JADE2: variants seen among roughly 807,000 people sequenced by gnomAD.
JADE2 encodes jade family PHD finger 2.
JADE2 carries 13 observed loss-of-function variants against 85.7 expected under a neutral mutation model. The observed-to-expected ratio is 0.15, with a 90% CI of 0.10 to 0.24. The LOEUF is 0.24. JADE2 is among the 10% of genes least tolerant of loss of function. The pLI, the probability that JADE2 is intolerant of heterozygous loss-of-function variation, is 1.00. For synonymous variants in JADE2, 440 were observed against 456.1 expected (o/e 0.96, Z 0.45); for missense variants, 846 against 1,115.9 (o/e 0.76, Z 3.45).
intron 3 of JADE2, among the ~76,000 whole-genome samples, chr5:134,538,957 A>G (rs1361207021): frequency 6.7e-6 from 1 of 149,712 alleles, no homozygotes; most frequent in African/African-American, 2.5e-5. Flanking sequence ...CCTGGGTTCA[A>G]ATGCCTCTCC....
chr5:134,570,259 A>G (rs564328670), intron 9 of JADE2, among the ~76,000 whole-genome samples: 135 of 151,988 alleles, frequency 8.9e-4, no homozygotes, highest in Non-Finnish European at 1.8e-3. Flanking sequence ...CTCTGTCCTC[A>G]TACCAGGGCC....
chr5:134,551,586 C>T (rs1473067231), intron 3 of JADE2, among the ~76,000 whole-genome samples: 1 of 151,150 alleles, frequency 6.6e-6, no homozygotes, highest in Non-Finnish European at 1.5e-5. Context: ...CCTGTGTTGC[C>T]CAGGCTGTCT....
At chr5:134,546,672 G>A (rs763762375) in intron 3 of JADE2, among the ~76,000 whole-genome samples, 3 of 151,964 alleles carry the variant, frequency 2.0e-5, no homozygotes, top group Non-Finnish European at 2.9e-5. Context: ...GGAGGCTGAG[G>A]CAGGAGAATC....
At chr5:134,539,067 A>ATTTATTTATTTT (rs1761792808) in intron 3 of JADE2, among the ~76,000 whole-genome samples, 1 of 142,698 alleles carries the variant, frequency 7.0e-6, no homozygotes, top group Non-Finnish European at 1.5e-5. Context: ...TTATTTATTT[A>ATTTATTTATTTT]TTTATTTATT....
chr5:134,567,611 G>A (rs565732566), intron 9 of JADE2, among the ~76,000 whole-genome samples: 2 of 152,166 alleles, frequency 1.3e-5, no homozygotes, highest in Admixed American at 6.5e-5. Flanking sequence ...TGCAGGGAAC[G>A]TTGTGTGACC....
Position 134,566,635 on chromosome 5 carries a change from C to T in JADE2, c.1434+55C>T, listed in dbSNP as rs931045537. ...TGCCTGGTGGGTCCAGGAGTCCTTT[C>T]CATGCCACACTCACTGCCCTGGAGC... is the stretch of plus-strand genomic sequence containing the variant. On this transcript the variant is annotated intron_variant, in intron 9 of 11. Transcript: ENST00000681547. The surrounding 1 kb of genome is among the most constrained non-coding windows in gnomAD (Gnocchi z 6.7). 2 of 1,275,534 alleles carry T rather than the reference C, an allele frequency of 1.6e-6. No individual in the cohort carries two copies. The highest frequency in any genetic ancestry group is 3.0e-5 in the African/African-American group (2 of 67,264). 79.0% of individuals were successfully genotyped at this position (1,275,534 alleles called of 1,614,324 possible). A position where few individuals can be genotyped will look rare whatever the true frequency, so the allele number is the denominator to read the frequency against.
At position 134,564,570 on chromosome 5, in the gene JADE2, C is replaced by T. The variant is rs967788128; in HGVS notation, c.929C>T (p.Ser310Phe). The T allele has an allele frequency of 6.4e-6, 10 of 1,566,088 alleles. No individual in the cohort carries two copies. In the African/African-American group the frequency reaches 8.1e-5, roughly 13 times the overall value. Residue 310 changes from serine (S) to phenylalanine (F), a missense_variant, in exon 8 of 12, where the codon TCC (serine) becomes TTC (phenylalanine). Ser to Phe is a radical substitution (Grantham distance 155). This residue lies in a region of JADE2 where 129 missense variants were observed against 255.4 expected (regional missense o/e 0.51). Transcript: ENST00000681547. Reference sequence around the variant, plus strand: ...ATCCCAGCCAGCCGCTGGGCTCTGTCCTGCAGCCTCTGCAAGGAATGCACA... The same window carrying T: ...ATCCCAGCCAGCCGCTGGGCTCTGTTCTGCAGCCTCTGCAAGGAATGCACA... ...SHIPASRWAL[S>F]CSLCKECTGT...
chr5:134,530,884 C>T (rs1761188817), intron 1 of JADE2, among the ~76,000 whole-genome samples: 1 of 152,156 alleles, frequency 6.6e-6, no homozygotes, highest in South Asian at 2.1e-4. Context: ...ACTGTGTGGT[C>T]CCGACACTTC....
intron 4 of JADE2, 89 bp downstream of exon 4, chr5:134,552,298 A>G (rs1265753327): frequency 8.4e-7 from 1 of 1,196,750 alleles, no homozygotes; most frequent in Non-Finnish European, 1.2e-6. Context: ...CCAGTCCTGG[A>G]ATTCCTTTCT....
intron 9 of JADE2, among the ~76,000 whole-genome samples, chr5:134,568,131 G>T (rs547783368): frequency 1.3e-5 from 2 of 152,308 alleles, no homozygotes; most frequent in East Asian, 3.9e-4. Flanking sequence ...CCATGTGTCT[G>T]TCCCTGGCTG....
chr5:134,565,113 T>A (rs964266872), intron 8 of JADE2, among the ~76,000 whole-genome samples: 6 of 152,172 alleles, frequency 3.9e-5, no homozygotes, highest in Non-Finnish European at 8.8e-5. Flanking sequence ...AGGCTCTGAC[T>A]CAGTAGGTCT....
At position 134,580,956 on chromosome 5, in the gene JADE2, A is replaced by C; in HGVS notation, c.*1639A>C. On this transcript the variant is annotated 3_prime_UTR_variant, in exon 12 of 12. Transcript: ENST00000681547. Reference sequence around the variant, plus strand: ...GGGGAAAGATACTGACGGTGAAACCAGCATGGAAAACGTCTTTACCATGTG... The same window carrying C: ...GGGGAAAGATACTGACGGTGAAACCCGCATGGAAAACGTCTTTACCATGTG... The C allele has an allele frequency of 6.6e-6, 1 of 152,632 alleles. No homozygotes were observed. Among genetic ancestry groups the C allele is most frequent in the East Asian group, 1.9e-4 (1 of 5,186 alleles). The allele number at this position is 152,632 out of a possible 1,614,324, so 9.5% of individuals were successfully genotyped here. A position where few individuals can be genotyped will look rare whatever the true frequency, so the allele number is the denominator to read the frequency against.
chr5:134,579,353 C>A lies in JADE2; in HGVS notation c.*36C>A. On this transcript the variant is annotated 3_prime_UTR_variant, in exon 12 of 12. Coordinates refer to ENST00000681547, the MANE Select transcript of JADE2 (RefSeq NM_001388185.1). This position sits in a 1 kb window ranked among gnomAD's most constrained non-coding sequence, Gnocchi z 4.6. ...TCCCTGTCCCAGGCCCTGCCCTGGTCCCCCCACAAGGCCTCAGCCCAGTCA... is the reference window on the plus strand; with the variant it reads ...TCCCTGTCCCAGGCCCTGCCCTGGTACCCCCACAAGGCCTCAGCCCAGTCA... The A allele has an allele frequency of 6.8e-7, 1 of 1,478,772 alleles. No individual in the cohort carries two copies. 91.6% of individuals were successfully genotyped at this position (1,478,772 alleles called of 1,614,324 possible).
intron 4 of JADE2, among the ~76,000 whole-genome samples, chr5:134,552,995 T>TC (rs1195232781): frequency 7.2e-6 from 1 of 139,346 alleles, no homozygotes; most frequent in African/African-American, 2.7e-5. Context: ...GCCTTTTTTT[T>TC]TTTTTTTTTT....
At chr5:134,569,676 G>A (rs960936526) in intron 9 of JADE2, among the ~76,000 whole-genome samples, 4 of 152,236 alleles carry the variant, frequency 2.6e-5, no homozygotes, top group South Asian at 2.1e-4. Flanking sequence ...GGGTGGAGGC[G>A]GCTCTGAGAC....
intron 3 of JADE2, among the ~76,000 whole-genome samples, chr5:134,542,598 C>T (rs1473161412): frequency 2.0e-5 from 3 of 151,766 alleles, no homozygotes; most frequent in Non-Finnish European, 4.4e-5. Context: ...TGTGCCACCA[C>T]GTCCAGCTAA....
At chr5:134,547,221 C>T (rs1183643103) in intron 3 of JADE2, among the ~76,000 whole-genome samples, 2 of 152,210 alleles carry the variant, frequency 1.3e-5, no homozygotes, top group African/African-American at 4.8e-5. Context: ...GTCCCTACAT[C>T]TGGGCAGAGC....
chr5:134,566,280 G>A lies in JADE2; in HGVS notation c.1134G>A (p.Thr378=), dbSNP rs571104259. The part of the protein sequence containing the change: ...GPRNEPTSEP[T]EPSQAGEDLE... ...GTAATGAGCCCACATCTGAGCCCAC[G>A]GAACCCAGCCAGGCTGGCGAGGACC... The change falls in exon 9 of 12, where the codon ACG becomes ACA. Residue 378 remains threonine, a synonymous_variant. Coordinates refer to ENST00000681547, the MANE Select transcript of JADE2 (RefSeq NM_001388185.1). This position sits in a 1 kb window ranked among gnomAD's most constrained non-coding sequence, Gnocchi z 6.7. 53 of 1,614,034 alleles carry A rather than the reference G, an allele frequency of 3.3e-5. No homozygotes were observed. The highest frequency in any genetic ancestry group is 9.3e-5 in the African/African-American group (7 of 74,922).
At position 134,580,101 on chromosome 5, in the gene JADE2, G is replaced by C. The variant is rs1335816659; in HGVS notation, c.*784G>C. 6.5e-6 allele frequency: 1 copy of C among 152,752 alleles called. No homozygotes were observed. The highest frequency in any genetic ancestry group is 1.5e-5 in the Non-Finnish European group (1 of 68,138). 9.5% of individuals were successfully genotyped at this position (152,752 alleles called of 1,614,324 possible). A position where few individuals can be genotyped will look rare whatever the true frequency, so the allele number is the denominator to read the frequency against. On this transcript the variant is annotated 3_prime_UTR_variant, in exon 12 of 12. Coordinates refer to ENST00000681547, the MANE Select transcript of JADE2 (RefSeq NM_001388185.1). ...GGTGGAGGGCTGTAGGGGAGGGCCAGTGCCCAGACAGGGTCATGGGGCTCA... is the reference window on the plus strand; with the variant it reads ...GGTGGAGGGCTGTAGGGGAGGGCCACTGCCCAGACAGGGTCATGGGGCTCA...
Sources: gnomAD v4.1 joint callset for allele counts (sites outside exome capture counted in the v4.1 genomes callset) on GRCh38, gnomAD v4.1.1 for gene constraint, gnomAD v4.1.1 regional missense constraint, Gnocchi (gnomAD v3.1) non-coding constraint, MANE v1.5 for transcripts, NCBI Gene and HGNC (gene_info 2026-07-23, HGNC 2026-07-21) for gene names.